The following FADS1 variants were observed in gnomAD, a reference collection of about 807,000 sequenced individuals.
The protein encoded by FADS1 is acyl-CoA (8-3)-desaturase.
A neutral mutation model predicts 61.6 loss-of-function variants in FADS1; 17 were observed. The observed-to-expected ratio is 0.28, with a 90% confidence interval of 0.19 to 0.41. The LOEUF is 0.41. FADS1 is among the 10% of genes least tolerant of loss of function. The pLI is 1.00. For synonymous variants in FADS1, 238 were observed against 258.7 expected (o/e 0.92, Z 0.77); for missense variants, 387 against 650.9 (o/e 0.59, Z 4.41).
intron 1 of FADS1, 74 bp from the exon 2 acceptor site, chr11:61,813,427 C>T (rs1440167695): frequency 2.4e-6 from 2 of 830,272 alleles, no homozygotes; most frequent in Non-Finnish European, 4.0e-6. Flanking sequence ...CACCAAAGGC[C>T]ATCCTCCTGC....
chr11:61,813,511 G>A, intron 1 of FADS1, 158 bp from the exon 2 acceptor site: 1 of 603,300 alleles, frequency 1.7e-6, no homozygotes, highest in Non-Finnish European at 2.9e-6. Flanking sequence ...TGCAGACTTG[G>A]AGAACTTTTC....
chr11:61,802,387 C>G lies in FADS1; in HGVS notation c.*24G>C. 1 of 1,559,882 alleles carries G rather than the reference C, an allele frequency of 6.4e-7. No homozygotes were observed. Among genetic ancestry groups the G allele is most frequent in the Non-Finnish European group, 8.7e-7 (1 of 1,149,794 alleles). On this transcript the variant is annotated 3_prime_UTR_variant, in exon 12 of 12. Transcript: ENST00000350997. The surrounding 1 kb of genome is among the most constrained non-coding windows in gnomAD (Gnocchi z 4.2). ...GCTCCAGAGTCTTCCTCCTCTTCTT[C>G]CAGACTGGGCAGGGTGGCTGTTGTT...
chr11:61,801,845 T>C lies in FADS1; in HGVS notation c.*566A>G, dbSNP rs1227093509. On this transcript the variant is annotated 3_prime_UTR_variant, in exon 12 of 12. Transcript: ENST00000350997. ...TGAGGATGGAGAAGCCACTGAGAAA[T>C]GGACCAGTGAGCTGAGCTCACCTTT... 6.5e-6 allele frequency: 1 copy of C among 153,074 alleles called. No homozygotes were observed. The highest frequency in any genetic ancestry group is 1.5e-5 in the Non-Finnish European group (1 of 68,704). 9.5% of individuals were successfully genotyped at this position (153,074 alleles called of 1,614,324 possible).
In FADS1 at chr11:61,816,771, G is replaced by A. The variant is rs983238070; in HGVS notation, c.159C>T (p.Val53=). The A allele has an allele frequency of 3.9e-6, 6 of 1,526,598 alleles. No homozygotes were observed. The highest frequency in any genetic ancestry group is 3.5e-6 in the Non-Finnish European group (4 of 1,141,230). The allele number at this position is 1,526,598 out of a possible 1,614,324, so 94.6% of individuals were successfully genotyped here. The change falls in exon 1 of 12, where the codon GTC becomes GTT. Residue 53 remains valine, a synonymous_variant. Transcript: ENST00000350997. This position sits in a 1 kb window ranked among gnomAD's most constrained non-coding sequence, Gnocchi z 7.0. ...LTAPAGPARG[V]ARPAMAPDPV... is the part of the protein sequence containing the mutation. The stretch of plus-strand genomic sequence containing the variant: ...GGTCGGGGGCCATAGCTGGCCTGGC[G>A]ACGCCGCGCGCCGGGCCAGCAGGGG...
intron 5 of FADS1, among the ~76,000 whole-genome samples, chr11:61,809,121 C>T (rs557772880): frequency 1.3e-5 from 2 of 152,248 alleles, no homozygotes; most frequent in African/African-American, 2.4e-5. Context: ...CCTGAACATC[C>T]GGGAGCCTCT....
At chr11:61,811,427 C>G (rs900966427) in intron 3 of FADS1, among the ~76,000 whole-genome samples, 4 of 151,988 alleles carry the variant, frequency 2.6e-5, no homozygotes, top group African/African-American at 4.8e-5. Flanking sequence ...CTCAGCCTCC[C>G]AAGTAGCTGG....
chr11:61,812,245 C>T (rs2066935898), intron 3 of FADS1, among the ~76,000 whole-genome samples: 2 of 152,120 alleles, frequency 1.3e-5, no homozygotes, highest in Admixed American at 6.5e-5. Context: ...AGAAGAGAAC[C>T]CTTGGAGAAG....
At position 61,801,268 on chromosome 11, in the gene FADS1, A is replaced by G. The variant is rs1329716476; in HGVS notation, c.*1143T>C. ...AATTTGGTCACTTCTGCTAATTGCTATTTTATTAAACTTGAAATTTTAGGT... is the reference window on the plus strand; with the variant it reads ...AATTTGGTCACTTCTGCTAATTGCTGTTTTATTAAACTTGAAATTTTAGGT... On this transcript the variant is annotated 3_prime_UTR_variant, in exon 12 of 12. Transcript: ENST00000350997. The G allele has an allele frequency of 2.6e-5, 4 of 152,246 alleles. No homozygotes were observed. Among genetic ancestry groups the G allele is most frequent in the Admixed American group, 2.6e-4 (4 of 15,274 alleles). The allele number at this position is 152,246 out of a possible 1,614,324, so 9.4% of individuals were successfully genotyped here. A position where few individuals can be genotyped will look rare whatever the true frequency, so the allele number is the denominator to read the frequency against.
chr11:61,806,977 A>G (rs569126612), intron 5 of FADS1, among the ~76,000 whole-genome samples: 119 of 152,364 alleles, frequency 7.8e-4, no homozygotes, highest in African/African-American at 2.8e-3. Flanking sequence ...TGCACAGCAC[A>G]GAGTCTACAG....
rs1591149643 is a variant in FADS1 at position 61,803,515 on chromosome 11, T to C, written c.1152-56A>G. 5 of 1,473,430 alleles carry C rather than the reference T, an allele frequency of 3.4e-6. No homozygotes were observed. The South Asian group carries it at 5.7e-5, about 17-fold the overall frequency. The allele number at this position is 1,473,430 out of a possible 1,614,324, so 91.3% of individuals were successfully genotyped here. A position where few individuals can be genotyped will look rare whatever the true frequency, so the allele number is the denominator to read the frequency against. On this transcript the variant is annotated intron_variant, in intron 8 of 11. Transcript: ENST00000350997. The surrounding 1 kb of genome is among the most constrained non-coding windows in gnomAD (Gnocchi z 4.3). ...TACACACAGAGCCCAGAATTCTGATTCCCCCCTCAGATAACTGCTCCAGCC... is the reference window on the plus strand; with the variant it reads ...TACACACAGAGCCCAGAATTCTGATCCCCCCCTCAGATAACTGCTCCAGCC...
At chr11:61,811,991 A>G (rs174554) in intron 3 of FADS1, 106,591 of 344,990 alleles carry the variant, frequency 0.31, 20,404 homozygotes, top group Admixed American at 0.56. Flanking sequence ...AGGATTACAG[A>G]CATGAGTCAC....
At chr11:61,812,403 A>G in intron 3 of FADS1, 68 bp downstream of exon 3, 2 of 1,501,782 alleles carry the variant, frequency 1.3e-6, no homozygotes, top group South Asian at 1.1e-5. Flanking sequence ...GCCTTCCTCA[A>G]ACACCCAAGG....
intron 5 of FADS1, among the ~76,000 whole-genome samples, chr11:61,809,486 C>T (rs191336399): frequency 3.5e-4 from 54 of 152,310 alleles, no homozygotes; most frequent in Admixed American, 3.2e-3. Flanking sequence ...GGACCACAGG[C>T]ACATGCCAAC....
chr11:61,800,281 C>A lies in FADS1; in HGVS notation c.*2130G>T, dbSNP rs174544. The A allele has an allele frequency of 0.26, 39,444 of 151,650 alleles. 6,802 individuals carry two copies. Among genetic ancestry groups the A allele is most frequent in the East Asian group, 0.53 (2,800 of 5,264 alleles). 9.4% of individuals were successfully genotyped at this position (151,650 alleles called of 1,614,324 possible). A position where few individuals can be genotyped will look rare whatever the true frequency, so the allele number is the denominator to read the frequency against. ...TGATCTCAGCTCGCTGCAGGCTTGA[C>A]CTCCTGGGCCCAAGTGATCCTCCTG... On this transcript the variant is annotated 3_prime_UTR_variant, in exon 12 of 12. Transcript: ENST00000350997.
chr11:61,813,890 C>CA lies in FADS1; in HGVS notation c.376-538_376-537insT, dbSNP rs1555071769. 9.3e-4 allele frequency among the ~76,000 whole-genome samples: 134 copies of CA among 143,950 alleles called. No individual in the cohort carries two copies. The East Asian group carries it at 0.014, about 15-fold the overall frequency. The allele number at this position is 143,950 out of a possible 152,430, so 94.4% of individuals were successfully genotyped here. ...TGAGGCAGGAGAATGGCGTGAACCC[C>CA]GGGGGAGGGCGGAGCCTGCAGTGAG... On this transcript the variant is annotated intron_variant, in intron 1 of 11. Coordinates refer to ENST00000350997, the MANE Select transcript of FADS1 (RefSeq NM_013402.7).
At position 61,806,673 on chromosome 11, in the gene FADS1, AGTATTTGTGCTG is replaced by A; in HGVS notation, c.955_966del (p.Gln319_Tyr322del). On this transcript the variant is annotated inframe_deletion, in exon 6 of 12. Transcript: ENST00000350997. Reference sequence around the variant, plus strand: ...GGATGGGGACACTCACTTAGGAAGAAGTATTTGTGCTGGTGGTTGTACGGCATATATTTTTTC... The same window carrying A: ...GGATGGGGACACTCACTTAGGAAGAAGTGGTTGTACGGCATATATTTTTTC... The A allele has an allele frequency of 6.2e-7, 1 of 1,614,070 alleles. No homozygotes were observed. Among genetic ancestry groups the A allele is most frequent in the Non-Finnish European group, 8.5e-7 (1 of 1,179,920 alleles).
Position 61,803,623 on chromosome 11 carries a change from C to G in FADS1, c.1151+47G>C. 6.6e-7 allele frequency: 1 copy of G among 1,515,492 alleles called. No homozygotes were observed. The highest frequency in any genetic ancestry group is 1.1e-5 in the South Asian group (1 of 89,154). The allele number at this position is 1,515,492 out of a possible 1,614,324, so 93.9% of individuals were successfully genotyped here. A position where few individuals can be genotyped will look rare whatever the true frequency, so the allele number is the denominator to read the frequency against. On this transcript the variant is annotated intron_variant, in intron 8 of 11. Coordinates refer to ENST00000350997, the MANE Select transcript of FADS1 (RefSeq NM_013402.7). This position sits in a 1 kb window ranked among gnomAD's most constrained non-coding sequence, Gnocchi z 4.3. ...GGCCCCTAGACCAGACTGGTCACTC[C>G]CCAACATTTCCTTCACCAGTCCCTA... is the stretch of plus-strand genomic sequence containing the variant.
chr11:61,815,514 G>A lies in FADS1; in HGVS notation c.375+1041C>T, dbSNP rs1262528473. ...AGGGTAGTGGATAGGGACAGTGGAG[G>A]GCATCACGCTGCAGGGCACGGGATC... On this transcript the variant is annotated intron_variant, in intron 1 of 11. Coordinates refer to ENST00000350997, the MANE Select transcript of FADS1 (RefSeq NM_013402.7). This position sits in a 1 kb window ranked among gnomAD's most constrained non-coding sequence, Gnocchi z 6.4. The A allele has an allele frequency of 6.6e-6, 1 of 152,400 alleles. No individual in the cohort carries two copies. Among genetic ancestry groups the A allele is most frequent in the Non-Finnish European group, 1.5e-5 (1 of 68,178 alleles). 9.4% of individuals were successfully genotyped at this position (152,400 alleles called of 1,614,324 possible).
chr11:61,812,654 A>G lies in FADS1; in HGVS notation c.501T>C (p.Asp167=), dbSNP rs768885872. ...FEPTKNKELT[D]EFRELRATVE... is the part of the protein sequence containing the mutation. ...CTGTGGCCCGCAGCTCCCGGAACTC[A>G]TCTGTCAGCTCTTTCTGCAGAAGAG... is the stretch of plus-strand genomic sequence containing the variant. Residue 167 remains aspartate, a synonymous_variant, in exon 3 of 12, where the codon GAT becomes GAC. Transcript: ENST00000350997. 7.4e-6 allele frequency: 12 copies of G among 1,613,160 alleles called. No individual in the cohort carries two copies. In the East Asian group the frequency reaches 2.7e-4, roughly 36 times the overall value.
Sources: gnomAD v4.1 joint callset for allele counts (sites outside exome capture counted in the v4.1 genomes callset) on GRCh38, gnomAD v4.1.1 for gene constraint, Gnocchi (gnomAD v3.1) non-coding constraint, MANE v1.5 for transcripts, NCBI Gene and HGNC (gene_info 2026-07-23, HGNC 2026-07-21) for gene names.